Variants in SPIDR observed in about 807,000 individuals in gnomAD.
SPIDR encodes DNA repair-scaffolding protein.
SPIDR carries 93 observed loss-of-function variants against 104.6 expected under a neutral mutation model. The observed-to-expected ratio is 0.89, with a 90% CI of 0.75 to 1.06. The LOEUF (loss-of-function observed/expected upper bound fraction) is 1.06. SPIDR is among the 50% of genes least tolerant of loss of function. The pLI, the probability that SPIDR is intolerant of heterozygous loss-of-function variation, is 0.00. For missense variants in SPIDR, 1,154 were observed against 1,111.2 expected, an observed-to-expected ratio of 1.04 and a Z score of -0.55; for synonymous variants, 431 against 416.9, an observed-to-expected ratio of 1.03 and a Z score of -0.41.
chr8:47,663,288 T>C (rs2074398687), intron 10 of SPIDR, among the ~76,000 whole-genome samples: 1 of 152,232 alleles, frequency 6.6e-6, no homozygotes, highest in Admixed American at 6.5e-5. Flanking sequence ...CAGCACTCTT[T>C]ATTTCCTTCC....
chr8:47,625,682 G>T (rs2065952728), intron 10 of SPIDR, among the ~76,000 whole-genome samples: 1 of 152,046 alleles, frequency 6.6e-6, no homozygotes, highest in Non-Finnish European at 1.5e-5. Context: ...ACTTACAAGG[G>T]ACGTGAAGGA....
chr8:47,296,548 C>T (rs1041718428), intron 5 of SPIDR, among the ~76,000 whole-genome samples: 11 of 152,284 alleles, frequency 7.2e-5, no homozygotes, highest in African/African-American at 1.7e-4. Context: ...ATTCTTGGCA[C>T]GTTTGTTGTA....
intron 16 of SPIDR, among the ~76,000 whole-genome samples, chr8:47,718,180 TAC>T (rs1281603179): frequency 1.3e-5 from 2 of 152,212 alleles, no homozygotes; most frequent in African/African-American, 2.4e-5. Flanking sequence ...AGGCATGCAC[TAC>T]TAAAGCTACG....
chr8:47,578,595 A>G (rs1223085095), intron 8 of SPIDR, among the ~76,000 whole-genome samples: 3 of 152,250 alleles, frequency 2.0e-5, no homozygotes, highest in Middle Eastern at 6.3e-3. Flanking sequence ...GCTTCAATGA[A>G]GCCAAATGTC....
chr8:47,341,106 G>C, intron 5 of SPIDR, among the ~76,000 whole-genome samples: 1 of 152,220 alleles, frequency 6.6e-6, no homozygotes, highest in East Asian at 1.9e-4. Flanking sequence ...GGGCAGCCTT[G>C]TGGAGGACTT....
At chr8:47,627,643 G>A (rs2066399230) in intron 10 of SPIDR, among the ~76,000 whole-genome samples, 1 of 152,080 alleles carries the variant, frequency 6.6e-6, no homozygotes, top group Non-Finnish European at 1.5e-5. Flanking sequence ...AATCCAAACG[G>A]GAAATTTGGC....
chr8:47,655,336 C>T (rs1246485840), intron 10 of SPIDR, among the ~76,000 whole-genome samples: 1 of 152,230 alleles, frequency 6.6e-6, no homozygotes, highest in Non-Finnish European at 1.5e-5. Flanking sequence ...AGTCCACAGT[C>T]CCACCAACAG....
chr8:47,287,221 T>G (rs2154233103), intron 3 of SPIDR, among the ~76,000 whole-genome samples: 1 of 149,244 alleles, frequency 6.7e-6, no homozygotes, highest in South Asian at 2.1e-4. Context: ...ATCACATGCT[T>G]CTGAGGCCAA....
chr8:47,592,665 C>G (rs1219660410), intron 8 of SPIDR: 5 of 874,882 alleles, frequency 5.7e-6, no homozygotes, highest in Non-Finnish European at 9.0e-6. Flanking sequence ...TTGCCTCACG[C>G]ACGAGTAGAA....
intron 14 of SPIDR, 151 bp downstream of exon 14, chr8:47,702,166 C>T: frequency 2.0e-6 from 2 of 986,070 alleles, no homozygotes; most frequent in Non-Finnish European, 3.0e-6. Flanking sequence ...AGGGTAATCT[C>T]CTTTGGAAAT....
At position 47,731,404 on chromosome 8, in the gene SPIDR, G is replaced by C. The variant is rs1422815367; in HGVS notation, c.2604+1939G>C. ...GAGGCCGGGCTGTGGAGGCTCATCA[G>C]CAAGTGTTCCCCAGTGGTGCAAAAG... On this transcript the variant is annotated intron_variant, in intron 19 of 19. Transcript: ENST00000297423. 2.6e-5 allele frequency among the ~76,000 whole-genome samples: 4 copies of C among 152,352 alleles called. No individual in the cohort carries two copies. The East Asian group carries it at 7.7e-4, about 29-fold the overall frequency.
chr8:47,333,531 T>G (rs988274276), intron 5 of SPIDR, among the ~76,000 whole-genome samples: 3 of 152,052 alleles, frequency 2.0e-5, no homozygotes, highest in African/African-American at 7.2e-5. Context: ...CTCAAACTCC[T>G]GACCTCAGGT....
At chr8:47,683,069 TTC>T (rs1031509277) in intron 11 of SPIDR, among the ~76,000 whole-genome samples, 1 of 152,210 alleles carries the variant, frequency 6.6e-6, no homozygotes, top group Non-Finnish European at 1.5e-5. Flanking sequence ...GTCTGAGAGA[TTC>T]TGTTTGAACT....
chr8:47,503,939 C>CT, intron 8 of SPIDR, among the ~76,000 whole-genome samples: 1 of 152,278 alleles, frequency 6.6e-6, no homozygotes, highest in Middle Eastern at 3.4e-3. Flanking sequence ...AAATTCTTTT[C>CT]TTTAAGAATG....
chr8:47,466,389 C>T (rs1554716946), intron 8 of SPIDR, among the ~76,000 whole-genome samples: 4 of 152,126 alleles, frequency 2.6e-5, no homozygotes, highest in Non-Finnish European at 5.9e-5. Context: ...CGTACAATTA[C>T]ATGGAAATTG....
At chr8:47,489,858 G>A (rs1329141404) in intron 8 of SPIDR, among the ~76,000 whole-genome samples, 1 of 152,028 alleles carries the variant, frequency 6.6e-6, no homozygotes, top group East Asian at 1.9e-4. Flanking sequence ...AATTCAAGAT[G>A]GATTAAAGAC....
At chr8:47,466,319 A>G (rs2074769897) in intron 8 of SPIDR, among the ~76,000 whole-genome samples, 1 of 152,230 alleles carries the variant, frequency 6.6e-6, no homozygotes, top group Admixed American at 6.5e-5. Context: ...CATAACAGCC[A>G]TTCTGTCAGA....
chr8:47,685,513 A>ATTTTTT lies in SPIDR; in HGVS notation c.1685+11575_1685+11576insTTTTTT, dbSNP rs376980650. On this transcript the variant is annotated intron_variant, in intron 11 of 19. Transcript: ENST00000297423. Reference sequence around the variant, plus strand: ...TATTTATTTATTTATTTATTTATTTATTTATTTTTTTGAGACAGTCTCTCT... The same window carrying ATTTTTT: ...TATTTATTTATTTATTTATTTATTTATTTTTTTTTATTTTTTTGAGACAGTCTCTCT... 7.6e-3 allele frequency among the ~76,000 whole-genome samples: 925 copies of ATTTTTT among 121,020 alleles called. 41 individuals carry two copies. The highest frequency in any genetic ancestry group is 0.012 in the Non-Finnish European group (655 of 53,454). 79.4% of individuals were successfully genotyped at this position (121,020 alleles called of 152,430 possible).
intron 8 of SPIDR, among the ~76,000 whole-genome samples, chr8:47,562,307 G>A (rs1393371648): frequency 6.6e-6 from 1 of 152,198 alleles, no homozygotes. Flanking sequence ...AATATTACCT[G>A]TGTAACAGTT....
Sources: gnomAD v4.1 joint callset for allele counts (sites outside exome capture counted in the v4.1 genomes callset) on GRCh38, gnomAD v4.1.1 for gene constraint, MANE v1.5 for transcripts, NCBI Gene and HGNC (gene_info 2026-07-23, HGNC 2026-07-21) for gene names.